KCNIP1: variants seen among roughly 807,000 people sequenced by gnomAD.
KCNIP1 encodes the protein potassium voltage-gated channel interacting protein 1.
In KCNIP1, 18 loss-of-function variants were observed where a neutral mutation model predicts 33.0. The observed-to-expected ratio is 0.55, with a 90% CI of 0.38 to 0.81. The LOEUF is 0.81. Ranked by LOEUF, KCNIP1 falls within the 30% of genes least tolerant of loss-of-function variation. The probability of loss-of-function intolerance (pLI) is 0.00; values close to 1 mark genes in which losing one functional copy is unlikely to be tolerated. For synonymous variants in KCNIP1, 93 were observed against 98.3 expected, an observed-to-expected ratio of 0.95 and a Z score of 0.32; for missense variants, 238 against 271.6, an observed-to-expected ratio of 0.88 and a Z score of 0.87.
At chr5:170,385,208 T>A in intron 1 of KCNIP1, 1 of 1,273,584 alleles carries the variant, frequency 7.9e-7, no homozygotes. Context: ...CCCTGCTGCC[T>A]TGAATGAGGG....
intron 1 of KCNIP1, among the ~76,000 whole-genome samples, chr5:170,363,572 A>G (rs571225036): frequency 6.6e-6 from 1 of 152,342 alleles, no homozygotes; most frequent in East Asian, 1.9e-4. Flanking sequence ...AGTGTCCAGA[A>G]CTGTGGGACA....
At chr5:170,423,110 C>T (rs1215370010) in intron 1 of KCNIP1, among the ~76,000 whole-genome samples, 1 of 152,156 alleles carries the variant, frequency 6.6e-6, no homozygotes, top group African/African-American at 2.4e-5. Flanking sequence ...CAGTGACTGG[C>T]TCTTAAAAAC....
intron 1 of KCNIP1, among the ~76,000 whole-genome samples, chr5:170,372,638 T>G (rs1763875717): frequency 6.6e-6 from 1 of 152,150 alleles, no homozygotes; most frequent in African/African-American, 2.4e-5. Flanking sequence ...CAAATATCTT[T>G]CTGTGAGACA....
chr5:170,651,167 T>G (rs1030266092), intron 1 of KCNIP1, among the ~76,000 whole-genome samples: 2 of 152,192 alleles, frequency 1.3e-5, no homozygotes, highest in Non-Finnish European at 2.9e-5. Flanking sequence ...TGGACTCCAT[T>G]GGAAGAACCT....
intron 1 of KCNIP1, among the ~76,000 whole-genome samples, chr5:170,542,244 A>G (rs1373331601): frequency 2.0e-5 from 3 of 152,218 alleles, no homozygotes; most frequent in South Asian, 4.1e-4. Context: ...GATGGATTGG[A>G]AAGTGTAGCA....
intron 1 of KCNIP1, among the ~76,000 whole-genome samples, chr5:170,514,454 T>A (rs1380213889): frequency 6.6e-6 from 1 of 152,160 alleles, no homozygotes; most frequent in Non-Finnish European, 1.5e-5. Flanking sequence ...TTTGCATACA[T>A]CCAGCCCTGG....
At chr5:170,575,675 C>T (rs936928440) in intron 1 of KCNIP1, among the ~76,000 whole-genome samples, 2 of 152,192 alleles carry the variant, frequency 1.3e-5, no homozygotes, top group Non-Finnish European at 2.9e-5. Context: ...CTCCCACTTG[C>T]TTCCTTTGTA....
chr5:170,548,292 C>G (rs966911988), intron 1 of KCNIP1, among the ~76,000 whole-genome samples: 4 of 152,126 alleles, frequency 2.6e-5, no homozygotes, highest in African/African-American at 9.7e-5. Context: ...ATTCTAATAT[C>G]GGAAGCTTTA....
At chr5:170,715,107 T>G (rs1197017578) in intron 1 of KCNIP1, among the ~76,000 whole-genome samples, 1 of 152,212 alleles carries the variant, frequency 6.6e-6, no homozygotes, top group Non-Finnish European at 1.5e-5. Context: ...CTTCTCTAAA[T>G]TTAGTATGTT....
chr5:170,438,720 T>C lies in KCNIP1; in HGVS notation c.88+84756T>C, dbSNP rs549212297. Among the ~76,000 whole-genome samples, 99 of 152,260 alleles carry C rather than the reference T, an allele frequency of 6.5e-4. No homozygotes were observed. In the Middle Eastern group the frequency reaches 0.01, roughly 16 times the overall value. ...GTGCTCTTTCTCACCCCCAAGCCAT[T>C]GCACAGCCTGCTCCCTTGGTCTAGA... On this transcript the variant is annotated intron_variant, in intron 1 of 7. Transcript: ENST00000377360.
At position 170,523,239 on chromosome 5, in the gene KCNIP1, C is replaced by T. The variant is rs114217792; in HGVS notation, c.61+18606C>T. On this transcript the variant is annotated intron_variant, in intron 1 of 7. Coordinates refer to ENST00000328939, the MANE Select transcript of KCNIP1 (RefSeq NM_014592.4). ...CAAGGTAGAGTTCAGTTCCCTCGGC[C>T]AGGGACTGCACTCCTGATCTTGCGT... 5.4e-3 allele frequency among the ~76,000 whole-genome samples: 821 copies of T among 152,302 alleles called. 9 individuals are homozygous for T. Among genetic ancestry groups the T allele is most frequent in the African/African-American group, 0.018 (754 of 41,552 alleles).
chr5:170,365,278 A>G (rs563174240), intron 1 of KCNIP1, among the ~76,000 whole-genome samples: 2 of 152,196 alleles, frequency 1.3e-5, no homozygotes, highest in African/African-American at 4.8e-5. Context: ...CATTCCCTAC[A>G]GGCTCGGCAC....
exon 1 of KCNIP1, chr5:170,353,843 T>C: frequency 6.2e-7 from 1 of 1,604,894 alleles, no homozygotes; most frequent in Non-Finnish European, 8.5e-7. Flanking sequence ...CCCTTCTGGG[T>C]GCTGACAGCA....
chr5:170,441,615 C>T (rs760374123), intron 1 of KCNIP1, among the ~76,000 whole-genome samples: 4 of 152,058 alleles, frequency 2.6e-5, no homozygotes, highest in Admixed American at 6.6e-5. Flanking sequence ...TCCTTGAGGG[C>T]CGTATATCCA....
At position 170,504,581 on chromosome 5, in the gene KCNIP1, C is replaced by T. The variant is rs778210728; in HGVS notation, c.9C>T (p.Ala3=). The T allele has an allele frequency of 1.9e-6, 3 of 1,613,598 alleles. No homozygotes were observed. The highest frequency in any genetic ancestry group is 2.2e-5 in the East Asian group (1 of 44,858). Residue 3 remains alanine, a synonymous_variant, in exon 1 of 8, where the codon GCC becomes GCT. Transcript: ENST00000328939. This position sits in a 1 kb window ranked among gnomAD's most constrained non-coding sequence, Gnocchi z 6.0. MG[A]VMGTFSSLQT... ...CTCAAGTCTTCGCTGCCATGGGGGC[C>T]GTCATGGGCACCTTCTCATCTCTGC...
In KCNIP1 at chr5:170,654,632, A is replaced by G. The variant is rs1761189889; in HGVS notation, c.62-64126A>G. On this transcript the variant is annotated intron_variant, in intron 1 of 7. Transcript: ENST00000328939. The stretch of plus-strand genomic sequence containing the variant: ...TTGTTCATTACTGTTTCCCATGCAG[A>G]TATTACCTGTGATTTACCTGCATAT... Among the ~76,000 whole-genome samples, 3 of 152,216 alleles carry G rather than the reference A, an allele frequency of 2.0e-5. No individual in the cohort carries two copies. In the South Asian group the frequency reaches 6.2e-4, roughly 32 times the overall value.
chr5:170,526,785 C>T (rs574334563), intron 1 of KCNIP1, among the ~76,000 whole-genome samples: 85 of 148,704 alleles, frequency 5.7e-4, no homozygotes, highest in African/African-American at 1.0e-3. Flanking sequence ...TGCAGTGGCG[C>T]GATCTCAGCT....
At chr5:170,606,666 G>C (rs529835805) in intron 1 of KCNIP1, among the ~76,000 whole-genome samples, 1 of 152,252 alleles carries the variant, frequency 6.6e-6, no homozygotes, top group East Asian at 1.9e-4. Context: ...GACCTGTCTA[G>C]TGCACATGTG....
intron 1 of KCNIP1, among the ~76,000 whole-genome samples, chr5:170,457,921 G>A (rs933843975): frequency 5.3e-5 from 8 of 152,160 alleles, no homozygotes; most frequent in African/African-American, 1.9e-4. Flanking sequence ...GAAAGGCAAA[G>A]TCCAACTTAA....
Sources: allele counts gnomAD v4.1 joint callset (sites outside exome capture counted in the v4.1 genomes callset), GRCh38; gene constraint gnomAD v4.1.1; non-coding constraint Gnocchi (gnomAD v3.1); transcripts MANE v1.5; gene names NCBI Gene and HGNC (gene_info 2026-07-23, HGNC 2026-07-21).